CDK14: variants seen among roughly 807,000 people sequenced by gnomAD.
CDK14 encodes the protein cyclin dependent kinase 14.
In CDK14, 34 loss-of-function variants were observed where a neutral mutation model predicts 60.7. The observed-to-expected ratio is 0.56, with a 90% CI of 0.43 to 0.75. The LOEUF (loss-of-function observed/expected upper bound fraction) is 0.75, where lower values mean the gene tolerates loss of function less well. CDK14 is among the 30% of genes least tolerant of loss of function. The pLI, the probability that CDK14 is intolerant of heterozygous loss-of-function variation, is 0.00. For synonymous variants in CDK14, 197 were observed against 203.7 expected (o/e 0.97, Z 0.28); for missense variants, 482 against 564.1 (o/e 0.85, Z 1.47).
chr7:91,027,675 A>G (rs574574568), intron 10 of CDK14, among the ~76,000 whole-genome samples: 50 of 150,826 alleles, frequency 3.3e-4, no homozygotes, highest in African/African-American at 1.1e-3. Context: ...TTGTTTTTCA[A>G]TAGCTTTAGG....
intron 2 of CDK14, among the ~76,000 whole-genome samples, chr7:90,662,225 A>G (rs1402476098): frequency 6.6e-6 from 1 of 152,244 alleles, no homozygotes; most frequent in Non-Finnish European, 1.5e-5. Context: ...GGTATCATTT[A>G]TCATGAGCTC....
At chr7:90,635,917 A>G (rs912201944) in intron 2 of CDK14, among the ~76,000 whole-genome samples, 13 of 151,926 alleles carry the variant, frequency 8.6e-5, no homozygotes, top group Non-Finnish European at 1.5e-5. Flanking sequence ...GAGTTCACTC[A>G]TGATTTGGCT....
intron 12 of CDK14, among the ~76,000 whole-genome samples, chr7:91,085,085 C>T (rs1218174692): frequency 6.6e-6 from 1 of 152,230 alleles, no homozygotes; most frequent in Non-Finnish European, 1.5e-5. Context: ...ACTGCCATAA[C>T]AAATTACCAC....
In CDK14 at chr7:90,771,655, T is replaced by C. The variant is rs115399160; in HGVS notation, c.465-18918T>C. Among the ~76,000 whole-genome samples, 1,522 of 152,242 alleles carry C rather than the reference T, an allele frequency of 1.0e-2. 23 individuals are homozygous for C. Among genetic ancestry groups the C allele is most frequent in the African/African-American group, 0.034 (1,397 of 41,546 alleles). On this transcript the variant is annotated intron_variant, in intron 4 of 14. Transcript: ENST00000380050. ...GATCACCATTCAGAAAGAGAGATGA[T>C]AGTGTAAAGAACCAATTGGGGGCTG... is the stretch of plus-strand genomic sequence containing the variant.
chr7:91,055,992 C>T (rs1459445257), intron 11 of CDK14, among the ~76,000 whole-genome samples: 1 of 152,150 alleles, frequency 6.6e-6, no homozygotes, highest in East Asian at 1.9e-4. Flanking sequence ...AAGTATATAA[C>T]TAGGAATCTA....
intron 14 of CDK14, among the ~76,000 whole-genome samples, chr7:91,126,579 A>T (rs970231038): frequency 7.2e-5 from 11 of 152,206 alleles, no homozygotes; most frequent in African/African-American, 2.7e-4. Flanking sequence ...GGCAGGAGAA[A>T]TAAAACTATT....
chr7:90,614,971 T>C (rs1295079806), intron 2 of CDK14, among the ~76,000 whole-genome samples: 1 of 152,230 alleles, frequency 6.6e-6, no homozygotes, highest in Non-Finnish European at 1.5e-5. Context: ...CAAAAAATTA[T>C]AAGATTCTGA....
chr7:90,660,797 T>A (rs1367238363), intron 2 of CDK14, among the ~76,000 whole-genome samples: 1 of 152,214 alleles, frequency 6.6e-6, no homozygotes. Context: ...TGACTTTTCC[T>A]TAAGTTCCGA....
intron 5 of CDK14, among the ~76,000 whole-genome samples, chr7:90,862,531 G>C (rs1326577099): frequency 1.3e-5 from 2 of 152,074 alleles, no homozygotes; most frequent in Non-Finnish European, 2.9e-5. Flanking sequence ...GAACTCAAAT[G>C]AGTAATTGAC....
intron 4 of CDK14, among the ~76,000 whole-genome samples, chr7:90,783,739 C>T (rs1446796970): frequency 6.6e-6 from 1 of 151,912 alleles, no homozygotes; most frequent in African/African-American, 2.4e-5. Context: ...ATCATCTCAC[C>T]CCAGTTAAAA....
chr7:90,805,434 C>T (rs1788786453), intron 5 of CDK14, among the ~76,000 whole-genome samples: 1 of 71,876 alleles, frequency 1.4e-5, no homozygotes, highest in Non-Finnish European at 2.9e-5. Flanking sequence ...GGAATTTTCT[C>T]AACACACACA....
chr7:90,956,327 G>T (rs1476175725), intron 9 of CDK14, among the ~76,000 whole-genome samples: 1 of 152,048 alleles, frequency 6.6e-6, no homozygotes, highest in African/African-American at 2.4e-5. Flanking sequence ...TTTAATTTTA[G>T]GTCTCACTTT....
chr7:91,062,495 G>A (rs991146571), intron 11 of CDK14, among the ~76,000 whole-genome samples: 5 of 151,928 alleles, frequency 3.3e-5, no homozygotes, highest in Admixed American at 2.0e-4. Flanking sequence ...CGTCGCTCAC[G>A]GTGGGAGCTG....
At chr7:91,183,346 T>TGA (rs1802064247) in intron 14 of CDK14, among the ~76,000 whole-genome samples, 1 of 152,172 alleles carries the variant, frequency 6.6e-6, no homozygotes, top group Non-Finnish European at 1.5e-5. Flanking sequence ...TGGTCTCTTC[T>TGA]CCCCTTACAA....
chr7:90,823,873 A>T (rs2117085934), intron 5 of CDK14, among the ~76,000 whole-genome samples: 1 of 152,270 alleles, frequency 6.6e-6, no homozygotes, highest in Admixed American at 6.5e-5. Flanking sequence ...AATGCACTGT[A>T]TTTCTATATT....
intron 6 of CDK14, among the ~76,000 whole-genome samples, chr7:90,899,029 C>T (rs1792420192): frequency 6.6e-6 from 1 of 151,656 alleles, no homozygotes; most frequent in Non-Finnish European, 1.5e-5. Context: ...GGAAATGAGA[C>T]ACTTAACAAA....
chr7:91,145,918 C>A (rs543983691), intron 14 of CDK14, among the ~76,000 whole-genome samples: 6,189 of 148,054 alleles, frequency 0.042, 623 homozygotes, highest in Non-Finnish European at 0.057. Flanking sequence ...ACCTGGCTTG[C>A]TTTATTTATT....
chr7:90,841,415 A>C (rs1016476673), intron 5 of CDK14, among the ~76,000 whole-genome samples: 5 of 151,780 alleles, frequency 3.3e-5, no homozygotes, highest in Non-Finnish European at 7.4e-5. Flanking sequence ...AACCCTCTGA[A>C]CTTTCTGCTT....
intron 12 of CDK14, among the ~76,000 whole-genome samples, chr7:91,097,267 G>C (rs1319392664): frequency 2.0e-5 from 3 of 151,940 alleles, no homozygotes; most frequent in Non-Finnish European, 4.4e-5. Flanking sequence ...TGTAATCCCA[G>C]CTACTTGGAA....
Sources: gnomAD v4.1 joint callset for allele counts (sites outside exome capture counted in the v4.1 genomes callset) on GRCh38, gnomAD v4.1.1 for gene constraint, MANE v1.5 for transcripts, NCBI Gene and HGNC (gene_info 2026-07-23, HGNC 2026-07-21) for gene names.